The following USP11 variants were observed in gnomAD, a reference collection of about 807,000 sequenced individuals.
The protein encoded by USP11 is ubiquitin carboxyl-terminal hydrolase 11.
Under a neutral mutation model 72.8 loss-of-function variants are expected in USP11, and 5 were observed. The observed-to-expected ratio is 0.07, with a 90% CI of 0.04 to 0.14. USP11 has a LOEUF of 0.14. Among genes scored for constraint, USP11 ranks in the 10% least tolerant of loss-of-function variants. USP11 has a pLI of 1.00. For missense variants in USP11, 480 were observed against 794.7 expected (o/e 0.60, Z 4.76); for synonymous variants, 368 against 326.5 (o/e 1.13, Z -1.37).
At chrX:47,245,518 T>G in intron 17 of USP11, 36 bp downstream of exon 17, 1 of 959,286 alleles carries the variant, frequency 1.0e-6, no homozygotes, top group Non-Finnish European at 1.5e-6. Context: ...TGTGGGGGTT[T>G]CATTGGATGG....
chrX:47,236,950 G>A (rs181234008), intron 1 of USP11, among the ~76,000 whole-genome samples: 28 of 111,754 alleles, frequency 2.5e-4, no homozygotes, highest in Non-Finnish European at 3.2e-4. Flanking sequence ...TGTTAACAAT[G>A]ATTTTTTTAA....
In USP11 at chrX:47,244,504, C is replaced by T. The variant is rs371579384; in HGVS notation, c.1797C>T (p.Tyr599=). ...YNVLMYRLSR[Y]VTKPNSDDED... ...CTCCTCTGCTCTGTTGCAGACGCTA[C>T]GTGACCAAACCCAACTCAGATGATG... The change falls in exon 14 of 21, where the codon TAC becomes TAT. Residue 599 remains tyrosine, a synonymous_variant. Coordinates refer to ENST00000377107, the MANE Select transcript of USP11 (RefSeq NM_001371072.1). The T allele has an allele frequency of 1.5e-5, 18 of 1,208,685 alleles. No individual in the cohort carries two copies. In the East Asian group the frequency reaches 3.0e-4, roughly 20 times the overall value.
At chrX:47,246,501 C>T (rs2055433636) in intron 17 of USP11, among the ~76,000 whole-genome samples, 1 of 111,463 alleles carries the variant, frequency 9.0e-6, no homozygotes, top group African/African-American at 3.3e-5. Context: ...GAGGTGGGCT[C>T]TAAAATAAGA....
At chrX:47,239,626 T>C (rs1410434422) in intron 3 of USP11, 145 bp downstream of exon 3, 8 of 996,176 alleles carry the variant, frequency 8.0e-6, no homozygotes, top group Admixed American at 5.3e-5. Context: ...CAGGTATCTT[T>C]GTCTGCTGTG....
rs777123600 is a variant in USP11, at chrX:47,239,190, T to C, written c.286+11T>C. On this transcript the variant is annotated intron_variant, in intron 2 of 20. Transcript: ENST00000377107. ...CCACACTCTTTCAAGGTACAAGGCC[T>C]TTGCCTCCTTCTCACCCTAGCCCTG... The C allele has an allele frequency of 8.3e-7, 1 of 1,198,747 alleles. No homozygotes were observed. The highest frequency in any genetic ancestry group is 1.1e-6 in the Non-Finnish European group (1 of 887,193).
rs980868432 is a variant in USP11, at chrX:47,241,846, T to C, written c.1179+147T>C. 3 of 807,130 alleles carry C rather than the reference T, an allele frequency of 3.7e-6. No individual in the cohort carries two copies. The African/African-American group carries it at 6.3e-5, about 17-fold the overall frequency. The allele number at this position is 807,130 out of a possible 1,213,427, so 66.5% of individuals were successfully genotyped here. ...TCAACTCCAGCCTTACTCTTAACCT[T>C]AGTTGCAATACCATATCTGCCCCCA... On this transcript the variant is annotated intron_variant, in intron 9 of 20. Transcript: ENST00000377107.
chrX:47,241,375 C>T lies in USP11; in HGVS notation c.945C>T (p.Ile315=), dbSNP rs764305951. The change falls in exon 8 of 21, where the codon ATC becomes ATT. Residue 315 remains isoleucine (I), a synonymous_variant. Transcript: ENST00000377107. ...ACCCACTGGGCATGAAGGGTGAGAT[C>T]GCAGAGGCCTATGCAGACCTGGTGA... ...FRNPLGMKGE[I]AEAYADLVKQ... The T allele has an allele frequency of 2.3e-5, 28 of 1,209,699 alleles. No homozygotes were observed. In the South Asian group the frequency reaches 2.8e-4, roughly 12 times the overall value.
rs2055392871 is a variant in USP11 at position 47,239,794 on chromosome X, T to C, written c.422T>C (p.Ile141Thr). ...HGQPPIERKVIELPNIQKVEV... is the reference protein window; with the variant it reads ...HGQPPIERKVTELPNIQKVEV... ...TGCACCCCTCTACTCTTACAGGTCA[T>C]AGAGCTGCCCAACATCCAGAAGGTC... is the stretch of plus-strand genomic sequence containing the variant. The change falls in exon 4 of 21, where the codon ATA becomes ACA. Residue 141 changes from isoleucine to threonine, a missense_variant. Around this residue, in one of 5 missense-constraint regions of USP11, gnomAD observed 14 missense variants for 46.4 expected, o/e 0.30. Coordinates refer to ENST00000377107, the MANE Select transcript of USP11 (RefSeq NM_001371072.1). 8.3e-7 allele frequency: 1 copy of C among 1,209,662 alleles called. No homozygotes were observed. The highest frequency in any genetic ancestry group is 2.2e-5 in the Admixed American group (1 of 45,792).
intron 1 of USP11, among the ~76,000 whole-genome samples, chrX:47,237,235 C>T (rs1455513106): frequency 9.0e-6 from 1 of 111,538 alleles, no homozygotes; most frequent in African/African-American, 3.3e-5. Context: ...AGTAAAGCCA[C>T]AAAGGGTGGA....
At chrX:47,240,720 C>T (rs2055398041) in intron 6 of USP11, 54 bp from the exon 7 acceptor site, 7 of 1,203,525 alleles carry the variant, frequency 5.8e-6, no homozygotes, top group Non-Finnish European at 7.9e-6. Flanking sequence ...CCCATGAGCA[C>T]ATTGCACCCC....
chrX:47,239,657 T>C, intron 3 of USP11, 133 bp from the exon 4 acceptor site: 2 of 967,990 alleles, frequency 2.1e-6, no homozygotes, highest in Non-Finnish European at 1.4e-6. Flanking sequence ...TGTGTGGCTC[T>C]CTTTACAGAC....
intron 3 of USP11, 115 bp downstream of exon 3, chrX:47,239,596 C>T (rs1161380150): frequency 1.4e-4 from 151 of 1,079,687 alleles, no homozygotes; most frequent in Non-Finnish European, 1.9e-4. Flanking sequence ...CTGCTCTCTT[C>T]CCCCTCCTAG....
rs2055395832 is a variant in USP11, at chrX:47,240,347, C to T, written c.578C>T (p.Pro193Leu). Residue 193 changes from proline to leucine, a missense_variant, in exon 5 of 21, where the codon CCC becomes CTC. Transcript: ENST00000377107. Reference protein sequence around the residue: ...RTARERFLVEPQEDTRLWAKN... With the variant: ...RTARERFLVELQEDTRLWAKN... ...GCTCGGGAGCGGTTTCTGGTGGAGC[C>T]CCAGGAAGACACTCGGCTTTGGGCC... is the stretch of plus-strand genomic sequence containing the variant. 8.3e-7 allele frequency: 1 copy of T among 1,209,921 alleles called. No homozygotes were observed. Among genetic ancestry groups the T allele is most frequent in the Non-Finnish European group, 1.1e-6 (1 of 895,190 alleles).
rs752228966 is a variant in USP11, at chrX:47,247,951, G to GAA, written c.*36_*37dup. The GAA allele has an allele frequency of 3.8e-4, 391 of 1,022,738 alleles. No homozygotes were observed. Among genetic ancestry groups the GAA allele is most frequent in the East Asian group, 1.1e-3 (30 of 27,669 alleles). The allele number at this position is 1,022,738 out of a possible 1,213,427, so 84.3% of individuals were successfully genotyped here. On this transcript the variant is annotated 3_prime_UTR_variant, in exon 21 of 21. Coordinates refer to ENST00000377107, the MANE Select transcript of USP11 (RefSeq NM_001371072.1). ...ATTGAGAGCCCTGGGTCCTGCCACA[G>GAA]AAAAAAAAAAAAAAAAGCCCTCTCT...
chrX:47,246,933 A>G lies in USP11; in HGVS notation c.2271-139A>G, dbSNP rs2055436458. ...CTACTCGGGAGGCTGAGGCAGGAGAATCGCTTGAACCCAGGAGGTGGAGGC... is the reference window on the plus strand; with the variant it reads ...CTACTCGGGAGGCTGAGGCAGGAGAGTCGCTTGAACCCAGGAGGTGGAGGC... On this transcript the variant is annotated intron_variant, in intron 17 of 20. Transcript: ENST00000377107. 3 of 785,096 alleles carry G rather than the reference A, an allele frequency of 3.8e-6. No individual in the cohort carries two copies. The East Asian group carries it at 1.1e-4, about 28-fold the overall frequency. 64.7% of individuals were successfully genotyped at this position (785,096 alleles called of 1,213,427 possible).
chrX:47,243,832 T>TC (rs1477841905), intron 13 of USP11, among the ~76,000 whole-genome samples: 1 of 111,971 alleles, frequency 8.9e-6, no homozygotes, highest in Non-Finnish European at 1.9e-5. Flanking sequence ...ACAGACAACT[T>TC]CATCTTGTCT....
In USP11 at chrX:47,247,952, A is replaced by G. The variant is rs750939102; in HGVS notation, c.*22A>G. The stretch of plus-strand genomic sequence containing the variant: ...TTGAGAGCCCTGGGTCCTGCCACAG[A>G]AAAAAAAAAAAAAAAGCCCTCTCTG... On this transcript the variant is annotated 3_prime_UTR_variant, in exon 21 of 21. Coordinates refer to ENST00000377107, the MANE Select transcript of USP11 (RefSeq NM_001371072.1). The G allele has an allele frequency of 7.1e-5, 11 of 154,617 alleles. No homozygotes were observed. The highest frequency in any genetic ancestry group is 1.7e-3 in the Middle Eastern group (1 of 602). The allele number at this position is 154,617 out of a possible 1,213,427, so 12.7% of individuals were successfully genotyped here. A position where few individuals can be genotyped will look rare whatever the true frequency, so the allele number is the denominator to read the frequency against.
chrX:47,243,979 T>TC (rs2055417864), intron 13 of USP11, among the ~76,000 whole-genome samples: 1 of 111,238 alleles, frequency 9.0e-6, no homozygotes, highest in Non-Finnish European at 1.9e-5. Context: ...ATCAGAATTC[T>TC]CCCCCCTCAT....
intron 13 of USP11, among the ~76,000 whole-genome samples, chrX:47,244,097 CTTTTTTTT>C (rs200759841): frequency 1.3e-4 from 12 of 92,270 alleles, no homozygotes. Flanking sequence ...CGCTCCATAC[CTTTTTTTT>C]TTTTTTTTTT....
Sources: gnomAD v4.1 joint callset for allele counts (sites outside exome capture counted in the v4.1 genomes callset) on GRCh38, gnomAD v4.1.1 for gene constraint, gnomAD v4.1.1 regional missense constraint, MANE v1.5 for transcripts, NCBI Gene and HGNC (gene_info 2026-07-23, HGNC 2026-07-21) for gene names.